Variants in LANCL2 observed in about 807,000 individuals in gnomAD.
LANCL2 encodes LanC like glutathione S-transferase 2.
In LANCL2, 33 loss-of-function variants were observed where a neutral mutation model predicts 56.9. That is an observed-to-expected ratio of 0.58 (90% CI 0.44 to 0.78). The LOEUF (loss-of-function observed/expected upper bound fraction) is 0.78, where lower values mean the gene tolerates loss of function less well. LANCL2 is among the 30% of genes least tolerant of loss of function. The probability of loss-of-function intolerance (pLI) is 0.00; values close to 1 mark genes in which losing one functional copy is unlikely to be tolerated. For missense variants in LANCL2, 562 were observed against 580.2 expected (o/e 0.97, Z 0.32); for synonymous variants, 233 against 228.2 (o/e 1.02, Z -0.19).
chr7:55,412,617 T>C (rs1338204408), intron 6 of LANCL2, among the ~76,000 whole-genome samples: 3 of 152,376 alleles, frequency 2.0e-5, no homozygotes, highest in African/African-American at 7.2e-5. Flanking sequence ...CTCGTAGGCT[T>C]TAAATATATT....
At chr7:55,405,184 G>A (rs958545919) in intron 5 of LANCL2, among the ~76,000 whole-genome samples, 2 of 130,036 alleles carry the variant, frequency 1.5e-5, no homozygotes, top group African/African-American at 5.5e-5. Context: ...TGAGACCCAG[G>A]GGAGCCAAAT....
rs538166438 is a variant in LANCL2, at chr7:55,403,540, C to G, written c.825+2220C>G. 4.3e-4 allele frequency among the ~76,000 whole-genome samples: 64 copies of G among 147,958 alleles called. 3 individuals carry two copies. In the South Asian group the frequency reaches 0.013, roughly 31 times the overall value. On this transcript the variant is annotated intron_variant, in intron 5 of 8. Transcript: ENST00000254770. ...GCAGATTAGTTATCTGTTCCCCACA[C>G]TTTTCTGGGTTTTTTTTGTTTGTTT...
At chr7:55,392,192 C>G (rs1790198983) in intron 2 of LANCL2, among the ~76,000 whole-genome samples, 1 of 152,000 alleles carries the variant, frequency 6.6e-6, no homozygotes, top group Admixed American at 6.6e-5. Context: ...ACTTGGGAGG[C>G]TGAGGCAGGA....
At chr7:55,403,315 C>T (rs1289927084) in intron 5 of LANCL2, among the ~76,000 whole-genome samples, 9 of 152,210 alleles carry the variant, frequency 5.9e-5, no homozygotes, top group Admixed American at 3.9e-4. Context: ...TGGCGGCGCG[C>T]GCCTGCAATC....
rs1443077097 is a variant in LANCL2, at chr7:55,365,391, T to C, written c.-635T>C. On this transcript the variant is annotated 5_prime_UTR_variant, in exon 1 of 9. Coordinates refer to ENST00000254770, the MANE Select transcript of LANCL2 (RefSeq NM_018697.4). The stretch of plus-strand genomic sequence containing the variant: ...TAGACTGTTTTGAAATTCTGTTCTT[T>C]AGAAGAGATTTTTTTTTTCTTCTTA... The C allele has an allele frequency of 1.3e-5, 2 of 152,236 alleles. No homozygotes were observed. The highest frequency in any genetic ancestry group is 2.1e-4 in the South Asian group (1 of 4,838). The allele number at this position is 152,236 out of a possible 1,614,324, so 9.4% of individuals were successfully genotyped here. A position where few individuals can be genotyped will look rare whatever the true frequency, so the allele number is the denominator to read the frequency against.
At chr7:55,408,078 T>C (rs1019698615) in intron 5 of LANCL2, among the ~76,000 whole-genome samples, 1 of 152,114 alleles carries the variant, frequency 6.6e-6, no homozygotes, top group Non-Finnish European at 1.5e-5. Context: ...TAAATAATAA[T>C]TCATAATTAA....
intron 1 of LANCL2, among the ~76,000 whole-genome samples, chr7:55,368,112 G>T (rs1789895744): frequency 6.6e-6 from 1 of 152,214 alleles, no homozygotes; most frequent in South Asian, 2.1e-4. Context: ...TGAATGAAAT[G>T]AACTCTTGAC....
chr7:55,408,534 T>C (rs1790436158), intron 5 of LANCL2, among the ~76,000 whole-genome samples: 1 of 152,042 alleles, frequency 6.6e-6, no homozygotes, highest in Admixed American at 6.5e-5. Context: ...CTGGGCCTCA[T>C]AGCGGGCACC....
intron 6 of LANCL2, 27 bp downstream of exon 6, chr7:55,412,116 C>A: frequency 6.3e-7 from 1 of 1,592,508 alleles, no homozygotes; most frequent in Non-Finnish European, 8.6e-7. Flanking sequence ...TCACGGCCGT[C>A]CCCTGTGTGG....
At chr7:55,373,472 G>T (rs2331022) in intron 1 of LANCL2, among the ~76,000 whole-genome samples, 135,874 of 150,950 alleles carry the variant, frequency 0.9, 61,517 homozygotes, top group African/African-American at 0.98. Flanking sequence ...TAAATTTTTT[G>T]TGTGTGGAGA....
chr7:55,395,359 A>G (rs1455445275), intron 2 of LANCL2, among the ~76,000 whole-genome samples: 2 of 152,218 alleles, frequency 1.3e-5, no homozygotes, highest in Admixed American at 1.3e-4. Flanking sequence ...CAGTGAGTTC[A>G]CAAAGCGGAG....
In LANCL2 at chr7:55,365,887, C is replaced by G. The variant is rs1789854430; in HGVS notation, c.-139C>G. The G allele has an allele frequency of 1.8e-5, 11 of 599,722 alleles. No homozygotes were observed. Among genetic ancestry groups the G allele is most frequent in the Non-Finnish European group, 2.4e-5 (9 of 372,804 alleles). 37.2% of individuals were successfully genotyped at this position (599,722 alleles called of 1,614,324 possible). A position where few individuals can be genotyped will look rare whatever the true frequency, so the allele number is the denominator to read the frequency against. ...CGAGGCAGTGCACGCTCAGACGCCC[C>G]GCTCCTCCCGCCAGCGCGCGGCCTC... On this transcript the variant is annotated 5_prime_UTR_variant, in exon 1 of 9. Coordinates refer to ENST00000254770, the MANE Select transcript of LANCL2 (RefSeq NM_018697.4).
intron 6 of LANCL2, among the ~76,000 whole-genome samples, chr7:55,415,018 G>A (rs866644995): frequency 1.5e-4 from 22 of 142,506 alleles, no homozygotes; most frequent in Admixed American, 4.2e-4. Flanking sequence ...AAAAGAAAAA[G>A]GCAAGGTTTT....
intron 5 of LANCL2, among the ~76,000 whole-genome samples, chr7:55,403,330 G>C (rs1790364409): frequency 6.6e-6 from 1 of 152,168 alleles, no homozygotes; most frequent in Non-Finnish European, 1.5e-5. Context: ...GCAATCGCAG[G>C]CACTCGGCAG....
intron 6 of LANCL2, among the ~76,000 whole-genome samples, chr7:55,415,441 C>T (rs933035371): frequency 3.9e-5 from 6 of 152,090 alleles, no homozygotes; most frequent in African/African-American, 1.4e-4. Flanking sequence ...AAATTCTGTT[C>T]CCGAAGCTTG....
chr7:55,384,081 A>G (rs1477357485), intron 1 of LANCL2, among the ~76,000 whole-genome samples: 1 of 152,178 alleles, frequency 6.6e-6, no homozygotes, highest in Non-Finnish European at 1.5e-5. Context: ...TGTGCAAAAC[A>G]GAAAAAAAAA....
intron 2 of LANCL2, among the ~76,000 whole-genome samples, chr7:55,394,564 A>AAAG (rs1010569065): frequency 6.6e-6 from 1 of 152,200 alleles, no homozygotes; most frequent in Non-Finnish European, 1.5e-5. Flanking sequence ...TGTCTCAACA[A>AAAG]AAGAAGAAGA....
Position 55,425,298 on chromosome 7 carries a change from C to T in LANCL2, c.1053C>T (p.Ser351=), listed in dbSNP as rs143590728. Residue 351 remains serine (S), a synonymous_variant, in exon 7 of 9, where the codon AGC becomes AGT. Coordinates refer to ENST00000254770, the MANE Select transcript of LANCL2 (RefSeq NM_018697.4). ...ACTTGAAAGAGGCCATGGAGTGTAG[C>T]GATGTGATTTGGCAGCGAGGTTTGC... ...EKYLKEAMEC[S]DVIWQRGLLR... The T allele has an allele frequency of 9.3e-6, 15 of 1,614,006 alleles. No individual in the cohort carries two copies. Among genetic ancestry groups the T allele is most frequent in the Admixed American group, 3.3e-5 (2 of 60,004 alleles).
At chr7:55,392,594 C>T (rs1450206809) in intron 2 of LANCL2, among the ~76,000 whole-genome samples, 1 of 152,118 alleles carries the variant, frequency 6.6e-6, no homozygotes, top group Non-Finnish European at 1.5e-5. Flanking sequence ...AGCGATCCTC[C>T]TGCTTCAGCC....
Sources: gnomAD v4.1 joint callset for allele counts (sites outside exome capture counted in the v4.1 genomes callset) on GRCh38, gnomAD v4.1.1 for gene constraint, MANE v1.5 for transcripts, NCBI Gene and HGNC (gene_info 2026-07-23, HGNC 2026-07-21) for gene names.